The following POLN variants were observed in gnomAD, a reference collection of about 807,000 sequenced individuals.
POLN encodes the protein DNA polymerase nu.
POLN carries 108 observed loss-of-function variants against 113.5 expected under a neutral mutation model. That is an observed-to-expected ratio of 0.95 (90% CI 0.81 to 1.12). The LOEUF (loss-of-function observed/expected upper bound fraction) is 1.12, where lower values mean the gene tolerates loss of function less well. POLN is among the 50% of genes most tolerant of loss of function. The pLI is 0.00. For synonymous variants in POLN, 386 were observed against 391.5 expected (o/e 0.99, Z 0.17); for missense variants, 1,097 against 1,077.1 (o/e 1.02, Z -0.26).
Position 2,081,019 on chromosome 4 carries a change from A to T in POLN, c.2326T>A (p.Cys776Ser). Residue 776 changes from cysteine to serine, a missense_variant, in exon 23 of 26, where the codon TGC becomes AGC. Coordinates refer to ENST00000511885, the MANE Select transcript of POLN (RefSeq NM_181808.4). ...AAGACATGGATCATGGCCAGCTTGC[A>T]GAGGTCAGCAGCGGAGCCTATGGGG... ...FVVQGSAADL[C>S]KLAMIHVFTA... is the part of the protein sequence containing the mutation. 1 of 1,613,826 alleles carries T rather than the reference A, an allele frequency of 6.2e-7. No individual in the cohort carries two copies. Among genetic ancestry groups the T allele is most frequent in the Non-Finnish European group, 8.5e-7 (1 of 1,179,980 alleles).
chr4:2,096,860 T>A (rs1730809536), intron 19 of POLN, among the ~76,000 whole-genome samples: 1 of 152,186 alleles, frequency 6.6e-6, no homozygotes, highest in South Asian at 2.1e-4. Context: ...CACTTCCTAC[T>A]TGCACTGAGC....
chr4:2,157,063 T>C (rs1455796434), intron 15 of POLN, among the ~76,000 whole-genome samples: 1 of 152,132 alleles, frequency 6.6e-6, no homozygotes, highest in Non-Finnish European at 1.5e-5. Context: ...GGTTTCCCCC[T>C]AACCCATGTA....
intron 19 of POLN, among the ~76,000 whole-genome samples, chr4:2,096,719 AGAGAG>A (rs1730803299): frequency 6.6e-6 from 1 of 151,912 alleles, no homozygotes; most frequent in African/African-American, 2.4e-5. Flanking sequence ...AGAGAGAGAG[AGAGAG>A]AGAGAGACAC....
chr4:2,113,905 G>A (rs1455405077), intron 19 of POLN, among the ~76,000 whole-genome samples: 1 of 142,390 alleles, frequency 7.0e-6, no homozygotes, highest in Non-Finnish European at 1.5e-5. Flanking sequence ...TAATAATAAT[G>A]TCTTTTTTTT....
chr4:2,119,711 C>T (rs555731133), intron 19 of POLN, among the ~76,000 whole-genome samples: 1 of 152,232 alleles, frequency 6.6e-6, no homozygotes, highest in South Asian at 2.1e-4. Flanking sequence ...ATGAAATAAA[C>T]ATTTTTAAGA....
chr4:2,220,218 C>T (rs953923741), intron 3 of POLN, among the ~76,000 whole-genome samples: 4 of 152,162 alleles, frequency 2.6e-5, no homozygotes, highest in Non-Finnish European at 5.9e-5. Flanking sequence ...TAGAGGGACG[C>T]TGTCAGAGAT....
intron 22 of POLN, chr4:2,081,401 C>A (rs1730413532): frequency 3.2e-6 from 2 of 623,996 alleles, no homozygotes; most frequent in Non-Finnish European, 2.8e-6. Context: ...ACTGCCTGGG[C>A]CCAGTTCTTG....
intron 20 of POLN, chr4:2,089,239 A>T: frequency 1.3e-6 from 2 of 1,528,672 alleles, no homozygotes; most frequent in Non-Finnish European, 1.8e-6. Context: ...TGTTTCTGCA[A>T]TCAATTCAGA....
At position 2,161,463 on chromosome 4, in the gene POLN, C is replaced by A. The variant is rs900336785; in HGVS notation, c.1555-2252G>T. Reference sequence around the variant, plus strand: ...GGTCCCCCAGCAGTCAGCCCACCGGCGCTGCGCTCGATTTCTCACCCGGCC... The same window carrying A: ...GGTCCCCCAGCAGTCAGCCCACCGGAGCTGCGCTCGATTTCTCACCCGGCC... On this transcript the variant is annotated intron_variant, in intron 13 of 25. Transcript: ENST00000511885. Among the ~76,000 whole-genome samples, 3 of 152,208 alleles carry A rather than the reference C, an allele frequency of 2.0e-5. No individual in the cohort carries two copies. The South Asian group carries it at 6.2e-4, about 31-fold the overall frequency.
chr4:2,234,855 T>G (rs1326899596), intron 2 of POLN, among the ~76,000 whole-genome samples: 4 of 152,060 alleles, frequency 2.6e-5, no homozygotes, highest in Admixed American at 1.3e-4. Flanking sequence ...TCAAAATACA[T>G]AGAGAAAAAA....
At chr4:2,086,097 A>C (rs1730543089) in intron 20 of POLN, among the ~76,000 whole-genome samples, 1 of 152,192 alleles carries the variant, frequency 6.6e-6, no homozygotes, top group Non-Finnish European at 1.5e-5. Context: ...TTCCATGGTC[A>C]AAGTATGAGA....
chr4:2,106,031 AAG>A (rs988400683), intron 19 of POLN, among the ~76,000 whole-genome samples: 48 of 152,282 alleles, frequency 3.2e-4, no homozygotes, highest in African/African-American at 1.1e-3. Context: ...CAAACTCAGG[AAG>A]AGTTTACTCC....
chr4:2,164,512 A>AG, intron 13 of POLN, among the ~76,000 whole-genome samples: 1 of 149,750 alleles, frequency 6.7e-6, no homozygotes, highest in East Asian at 2.0e-4. Flanking sequence ...AAAAAAAAAA[A>AG]AAAAAAAAGG....
intron 7 of POLN, among the ~76,000 whole-genome samples, chr4:2,191,982 G>A (rs9997014): frequency 0.24 from 37,162 of 151,728 alleles, 6,998 homozygotes; most frequent in African/African-American, 0.51. Context: ...TCATGGTGGC[G>A]CACACCTGTA....
chr4:2,096,686 AAGAGAGAGAG>A lies in POLN; in HGVS notation c.1983-763_1983-754del, dbSNP rs750844060. Among the ~76,000 whole-genome samples the A allele has an allele frequency of 5.5e-3, 719 of 130,000 alleles. 1 individual carries two copies. Among genetic ancestry groups the A allele is most frequent in the South Asian group, 0.014 (50 of 3,536 alleles). The allele number at this position is 130,000 out of a possible 152,430, so 85.3% of individuals were successfully genotyped here. A position where few individuals can be genotyped will look rare whatever the true frequency, so the allele number is the denominator to read the frequency against. On this transcript the variant is annotated intron_variant, in intron 19 of 25. Coordinates refer to ENST00000511885, the MANE Select transcript of POLN (RefSeq NM_181808.4). ...CATCTCAGATTCAGAAGCCGAGAGA[AAGAGAGAGAG>A]AGAGAGAGAGAGAGAGAGAGAGAGA... is the stretch of plus-strand genomic sequence containing the variant.
intron 2 of POLN, among the ~76,000 whole-genome samples, chr4:2,233,850 A>C (rs370328193): frequency 6.6e-6 from 1 of 152,212 alleles, no homozygotes; most frequent in Admixed American, 6.5e-5. Context: ...AATGGTGTCT[A>C]GTAGACACTT....
At chr4:2,188,549 C>T (rs1237244147) in intron 7 of POLN, among the ~76,000 whole-genome samples, 1 of 150,660 alleles carries the variant, frequency 6.6e-6, no homozygotes, top group African/African-American at 2.4e-5. Context: ...TGCAGTGAGC[C>T]GAGATTGCGC....
intron 3 of POLN, among the ~76,000 whole-genome samples, chr4:2,227,183 A>G (rs1306711826): frequency 6.6e-6 from 1 of 152,224 alleles, no homozygotes; most frequent in East Asian, 1.9e-4. Flanking sequence ...CTGCTAGGGA[A>G]AGTGAGCTGC....
chr4:2,194,688 T>G (rs1451442401), intron 6 of POLN, among the ~76,000 whole-genome samples: 1 of 152,146 alleles, frequency 6.6e-6, no homozygotes, highest in East Asian at 1.9e-4. Flanking sequence ...TATTTTTATC[T>G]TGATAAAACA....
Sources: allele counts gnomAD v4.1 joint callset (sites outside exome capture counted in the v4.1 genomes callset), GRCh38; gene constraint gnomAD v4.1.1; transcripts MANE v1.5; gene names NCBI Gene and HGNC (gene_info 2026-07-23, HGNC 2026-07-21).